The following MTOR variants were observed in gnomAD, a reference collection of about 807,000 sequenced individuals.
MTOR encodes the protein serine/threonine-protein kinase mTOR.
A neutral mutation model predicts 319.8 loss-of-function variants in MTOR; 70 were observed. The ratio of observed to expected loss-of-function variants is 0.22; its 90% CI spans 0.18 to 0.27. The LOEUF (loss-of-function observed/expected upper bound fraction) is 0.27, where lower values mean the gene tolerates loss of function less well. Among genes scored for constraint, MTOR ranks in the 10% least tolerant of loss-of-function variants. MTOR has a pLI of 1.00. For missense variants in MTOR, 1,890 were observed against 3,274.4 expected, an observed-to-expected ratio of 0.58 and a Z score of 10.32; for synonymous variants, 1,183 against 1,211.4, an observed-to-expected ratio of 0.98 and a Z score of 0.49.
chr1:11,205,078 G>A (rs957623053), intron 25 of MTOR, among the ~76,000 whole-genome samples: 1 of 152,234 alleles, frequency 6.6e-6, no homozygotes, highest in Non-Finnish European at 1.5e-5. Flanking sequence ...ACAGTGAAGA[G>A]TCACGCAAGA....
intron 19 of MTOR, among the ~76,000 whole-genome samples, chr1:11,222,851 T>C (rs1646713523): frequency 6.6e-6 from 1 of 152,054 alleles, no homozygotes; most frequent in Admixed American, 6.6e-5. Flanking sequence ...TACCAATGAA[T>C]GCTAAAATGA....
At chr1:11,151,851 C>T (rs1236892149) in intron 30 of MTOR, among the ~76,000 whole-genome samples, 1 of 151,982 alleles carries the variant, frequency 6.6e-6, no homozygotes, top group African/African-American at 2.4e-5. Context: ...TCCCTCCTAA[C>T]TCAGCCTCCC....
rs373274281 is a variant in MTOR at position 11,209,465 on chromosome 1, C to G, written c.3655-7G>C. The G allele has an allele frequency of 1.5e-5, 24 of 1,613,930 alleles. No homozygotes were observed. In the African/African-American group the frequency reaches 3.1e-4, roughly 21 times the overall value. On this transcript the variant is annotated splice_region_variant and splice_polypyrimidine_tract_variant and intron_variant, in intron 24 of 57. Coordinates refer to ENST00000361445, the MANE Select transcript of MTOR (RefSeq NM_004958.4). ...CATCAGCAAGTGTGTATCCCTACAA[C>G]CAAAGATTTATAGGAAACACCTATA...
chr1:11,132,450 C>G (rs1643208205), intron 38 of MTOR: 1 of 152,152 alleles, frequency 6.6e-6, no homozygotes, highest in Admixed American at 6.5e-5. Context: ...ATTGGCAAGC[C>G]AAGGAAATAC....
chr1:11,167,564 G>A (rs2100610417), intron 28 of MTOR, 47 bp from the exon 29 acceptor site: 1 of 1,495,572 alleles, frequency 6.7e-7, no homozygotes, highest in Non-Finnish European at 9.2e-7. Flanking sequence ...AGGTCTGAGG[G>A]TAGGAGATGT....
intron 26 of MTOR, among the ~76,000 whole-genome samples, chr1:11,201,628 T>G (rs1451651908): frequency 2.0e-5 from 3 of 152,144 alleles, no homozygotes; most frequent in Non-Finnish European, 2.9e-5. Flanking sequence ...ATTTAAGAAA[T>G]AAAGAAGAGA....
intron 53 of MTOR, 108 bp from the exon 54 acceptor site, chr1:11,113,025 C>G: frequency 8.3e-7 from 1 of 1,201,370 alleles, no homozygotes; most frequent in East Asian, 2.4e-5. Context: ...AAAGCTATAG[C>G]CCCAAAAAAA....
At chr1:11,153,131 T>G (rs1438161954) in intron 30 of MTOR, among the ~76,000 whole-genome samples, 2 of 152,096 alleles carry the variant, frequency 1.3e-5, no homozygotes, top group Admixed American at 6.5e-5. Context: ...TCCAATCTGC[T>G]CCTACTAACC....
rs1410454002 is a variant in MTOR, at chr1:11,128,965, G to A, written c.5715-14C>T. 2 of 1,607,718 alleles carry A rather than the reference G, an allele frequency of 1.2e-6. No homozygotes were observed. Among genetic ancestry groups the A allele is most frequent in the Non-Finnish European group, 1.7e-6 (2 of 1,176,100 alleles). On this transcript the variant is annotated splice_polypyrimidine_tract_variant and intron_variant, in intron 40 of 57. Coordinates refer to ENST00000361445, the MANE Select transcript of MTOR (RefSeq NM_004958.4). This position sits in a 1 kb window ranked among gnomAD's most constrained non-coding sequence, Gnocchi z 5.3. ...AAGGTGAGAACTCTGAAAAAGAAAT[G>A]AGAAAGTCACAGAAAATTTAGTTTC...
intron 28 of MTOR, among the ~76,000 whole-genome samples, chr1:11,197,008 T>C (rs899951741): frequency 1.3e-5 from 2 of 151,282 alleles, no homozygotes; most frequent in Non-Finnish European, 2.9e-5. Flanking sequence ...GAAGGGAAAA[T>C]AAGAGTAGGA....
chr1:11,156,076 C>T (rs571662642), intron 30 of MTOR, among the ~76,000 whole-genome samples: 18 of 152,224 alleles, frequency 1.2e-4, no homozygotes, highest in Admixed American at 6.5e-4. Context: ...CTGCAACCTC[C>T]GCCTCCCGGG....
intron 28 of MTOR, among the ~76,000 whole-genome samples, chr1:11,194,079 C>T (rs902877199): frequency 2.0e-5 from 3 of 152,272 alleles, no homozygotes; most frequent in Middle Eastern, 3.4e-3. Context: ...AGCATGAGGT[C>T]CTTTAGGTGC....
intron 28 of MTOR, chr1:11,195,718 T>G (rs1441176477): frequency 6.5e-6 from 1 of 152,780 alleles, no homozygotes; most frequent in Non-Finnish European, 1.5e-5. Context: ...GAGTCTCTCA[T>G]GGATGCCGGC....
intron 19 of MTOR, among the ~76,000 whole-genome samples, chr1:11,224,420 A>G (rs1441271051): frequency 6.6e-6 from 1 of 152,220 alleles, no homozygotes; most frequent in Non-Finnish European, 1.5e-5. Context: ...ATAATCTCAA[A>G]GATACATAAA....
intron 28 of MTOR, among the ~76,000 whole-genome samples, chr1:11,176,315 C>T (rs1008147920): frequency 6.6e-6 from 1 of 152,172 alleles, no homozygotes; most frequent in African/African-American, 2.4e-5. Context: ...AGTCTTGGTG[C>T]CGCGTGACCT....
chr1:11,256,422 A>G, intron 4 of MTOR: 4 of 747,552 alleles, frequency 5.4e-6, no homozygotes, highest in South Asian at 6.1e-5. Flanking sequence ...ATGTTTGAAC[A>G]TAAGTTCTGG....
In MTOR at chr1:11,115,008, A is replaced by T. The variant is rs1642089410; in HGVS notation, c.7090-121T>A. The T allele has an allele frequency of 4.9e-6, 4 of 812,270 alleles. No individual in the cohort carries two copies. Among genetic ancestry groups the T allele is most frequent in the Non-Finnish European group, 8.2e-6 (4 of 484,946 alleles). 50.3% of individuals were successfully genotyped at this position (812,270 alleles called of 1,614,324 possible). A position where few individuals can be genotyped will look rare whatever the true frequency, so the allele number is the denominator to read the frequency against. ...GATTTTAATTATAGCAGGGAAAGGAAGCAGCTTGGGTTTAGTGAGAGGACT... is the reference window on the plus strand; with the variant it reads ...GATTTTAATTATAGCAGGGAAAGGATGCAGCTTGGGTTTAGTGAGAGGACT... On this transcript the variant is annotated intron_variant, in intron 51 of 57. Coordinates refer to ENST00000361445, the MANE Select transcript of MTOR (RefSeq NM_004958.4). The surrounding 1 kb of genome is among the most constrained non-coding windows in gnomAD (Gnocchi z 4.5).
intron 28 of MTOR, among the ~76,000 whole-genome samples, chr1:11,178,556 T>C (rs1038959508): frequency 7.2e-5 from 11 of 152,358 alleles, no homozygotes; most frequent in African/African-American, 2.4e-4. Flanking sequence ...TCTTGACAAA[T>C]TGGCCATTAT....
At position 11,192,413 on chromosome 1, in the gene MTOR, T is replaced by A. The variant is rs745339516; in HGVS notation, c.4253+6845A>T. On this transcript the variant is annotated intron_variant, in intron 28 of 57. Transcript: ENST00000361445. ...ACTGGCCATGCCCTAATACCTGTCC[T>A]TCACCCCCTCAAGGGGACTACAACA... 18 of 1,496,062 alleles carry A rather than the reference T, an allele frequency of 1.2e-5. No individual in the cohort carries two copies. The Admixed American group carries it at 3.0e-4, about 25-fold the overall frequency. 92.7% of individuals were successfully genotyped at this position (1,496,062 alleles called of 1,614,324 possible). A position where few individuals can be genotyped will look rare whatever the true frequency, so the allele number is the denominator to read the frequency against.
Sources: gnomAD v4.1 joint callset for allele counts (sites outside exome capture counted in the v4.1 genomes callset) on GRCh38, gnomAD v4.1.1 for gene constraint, Gnocchi (gnomAD v3.1) non-coding constraint, MANE v1.5 for transcripts, NCBI Gene and HGNC (gene_info 2026-07-23, HGNC 2026-07-21) for gene names.